FAM3C: variants seen among roughly 807,000 people sequenced by gnomAD.
FAM3C encodes protein FAM3C.
A neutral mutation model predicts 32.5 loss-of-function variants in FAM3C; 15 were observed. That is an observed-to-expected ratio of 0.46 (90% CI 0.31 to 0.71). The LOEUF (loss-of-function observed/expected upper bound fraction) is 0.71, where lower values mean the gene tolerates loss of function less well. Ranked by LOEUF, FAM3C falls within the 30% of genes least tolerant of loss-of-function variation. The pLI, the probability that FAM3C is intolerant of heterozygous loss-of-function variation, is 0.05. For synonymous variants in FAM3C, 75 were observed against 86.1 expected, an observed-to-expected ratio of 0.87 and a Z score of 0.72; for missense variants, 175 against 274.4, an observed-to-expected ratio of 0.64 and a Z score of 2.56.
Position 121,371,421 on chromosome 7 carries a change from T to C in FAM3C, c.151A>G (p.Thr51Ala), listed in dbSNP as rs1323971218. ...CCACACTTATATCTGGGAGGCTTTG[T>C]AGCTTTGGGGGAGAAAACATGATGT... is the stretch of plus-strand genomic sequence containing the variant. Reference protein sequence around the residue: ...RSALDTAARSTKPPRYKCGIS... With the variant: ...RSALDTAARSAKPPRYKCGIS... Residue 51 changes from threonine to alanine, a missense_variant and splice_region_variant, in exon 5 of 10, where the codon ACA (threonine) becomes GCA (alanine). Thr to Ala is a moderately conservative substitution (Grantham distance 58). Coordinates refer to ENST00000359943, the MANE Select transcript of FAM3C (RefSeq NM_014888.3). The C allele has an allele frequency of 1.2e-6, 2 of 1,613,604 alleles. No individual in the cohort carries two copies. Among genetic ancestry groups the C allele is most frequent in the South Asian group, 1.1e-5 (1 of 91,068 alleles).
Position 121,362,927 on chromosome 7 carries a change from CT to C in FAM3C, c.351del (p.Asp118ThrfsTer19). 1 of 1,530,596 alleles carries C rather than the reference CT, an allele frequency of 6.5e-7. No individual in the cohort carries two copies. The highest frequency in any genetic ancestry group is 9.0e-7 in the Non-Finnish European group (1 of 1,109,806). 94.8% of individuals were successfully genotyped at this position (1,530,596 alleles called of 1,614,324 possible). On this transcript the variant is annotated frameshift_variant, in exon 7 of 10. Coordinates refer to ENST00000359943, the MANE Select transcript of FAM3C (RefSeq NM_014888.3). LOFTEE classifies it high-confidence loss of function. Reference protein sequence around the residue: ...ALANGKTGEVLDTKYFDMWGG... With the variant: ...ALANGKTGEVXDTKYFDMWGG... Reference sequence around the variant, plus strand: ...CCCCACATGTCAAAATATTTAGTGTCTAATACTTCTCCTGTTTTTCCTAAAA... The same window carrying C: ...CCCCACATGTCAAAATATTTAGTGTCAATACTTCTCCTGTTTTTCCTAAAA...
chr7:121,357,552 A>C (rs186994849), intron 8 of FAM3C, among the ~76,000 whole-genome samples: 58 of 152,276 alleles, frequency 3.8e-4, no homozygotes, highest in African/African-American at 1.4e-3. Context: ...GATGTTGTCC[A>C]TTTCAGTATA....
intron 8 of FAM3C, among the ~76,000 whole-genome samples, chr7:121,353,691 T>C (rs1245504376): frequency 6.6e-6 from 1 of 152,214 alleles, no homozygotes; most frequent in Non-Finnish European, 1.5e-5. Flanking sequence ...CAGCCCCTAA[T>C]AAAATCTCTG....
intron 1 of FAM3C, among the ~76,000 whole-genome samples, chr7:121,384,934 CCTATTTGT>C (rs1794437586): frequency 6.6e-6 from 1 of 151,998 alleles, no homozygotes; most frequent in African/African-American, 2.4e-5. Flanking sequence ...CTAAATCATT[CCTATTTGT>C]CTTCTTAGAG....
At chr7:121,385,667 A>AG (rs1794451259) in intron 1 of FAM3C, among the ~76,000 whole-genome samples, 1 of 152,194 alleles carries the variant, frequency 6.6e-6, no homozygotes, top group African/African-American at 2.4e-5. Context: ...GTAAAATCAA[A>AG]GGTCAAGTGA....
chr7:121,395,182 TATGGATAC>T (rs1254063529), intron 1 of FAM3C, among the ~76,000 whole-genome samples: 1 of 151,860 alleles, frequency 6.6e-6, no homozygotes, highest in African/African-American at 2.4e-5. Context: ...CATACATATA[TATGGATAC>T]ATGGATACAT....
intron 6 of FAM3C, among the ~76,000 whole-genome samples, 172 bp from the exon 7 acceptor site, chr7:121,363,119 C>G (rs1008017347): frequency 2.6e-5 from 4 of 152,136 alleles, no homozygotes; most frequent in African/African-American, 9.7e-5. Context: ...AACTTAAAAT[C>G]TGAATCATAT....
At chr7:121,385,737 T>C (rs1416586079) in intron 1 of FAM3C, among the ~76,000 whole-genome samples, 3 of 152,200 alleles carry the variant, frequency 2.0e-5, no homozygotes, top group Admixed American at 6.5e-5. Flanking sequence ...AACATCACTC[T>C]ATATTGACAA....
At chr7:121,351,599 AT>A (rs1793706885) in intron 8 of FAM3C, 2 of 215,800 alleles carry the variant, frequency 9.3e-6, no homozygotes, top group South Asian at 2.6e-4. Flanking sequence ...TATCCAGGCT[AT>A]CCAAGGTCTT....
At chr7:121,383,126 A>C in intron 1 of FAM3C, 116 bp from the exon 2 acceptor site, 1 of 544,708 alleles carries the variant, frequency 1.8e-6, no homozygotes. Flanking sequence ...TCTAAGTATT[A>C]TGCCAACATT....
chr7:121,361,392 C>T (rs1011408337), intron 7 of FAM3C, among the ~76,000 whole-genome samples: 1 of 152,224 alleles, frequency 6.6e-6, no homozygotes, highest in African/African-American at 2.4e-5. Context: ...CAAACTACTT[C>T]CATTTAAATG....
chr7:121,378,774 T>G (rs1794291915), intron 3 of FAM3C, 136 bp downstream of exon 3: 1 of 452,694 alleles, frequency 2.2e-6, no homozygotes, highest in South Asian at 4.0e-5. Flanking sequence ...CTGTAAAATA[T>G]TCTAACAAAT....
intron 7 of FAM3C, among the ~76,000 whole-genome samples, chr7:121,362,327 G>A (rs975606469): frequency 6.6e-6 from 1 of 152,118 alleles, no homozygotes; most frequent in African/African-American, 2.4e-5. Context: ...TTACAAGAAA[G>A]AAAATTCTAT....
At chr7:121,361,867 C>T (rs532200208) in intron 7 of FAM3C, among the ~76,000 whole-genome samples, 9 of 152,156 alleles carry the variant, frequency 5.9e-5, no homozygotes, top group South Asian at 2.1e-4. Context: ...TTAGTAGAGA[C>T]GGGGTTTCGC....
chr7:121,382,373 C>T (rs1045551549), intron 2 of FAM3C, among the ~76,000 whole-genome samples: 1 of 152,058 alleles, frequency 6.6e-6, no homozygotes, highest in African/African-American at 2.4e-5. Context: ...AGCAAAAACA[C>T]ATATTTTATC....
At chr7:121,388,638 A>G (rs1210731477) in intron 1 of FAM3C, among the ~76,000 whole-genome samples, 1 of 152,168 alleles carries the variant, frequency 6.6e-6, no homozygotes, top group Non-Finnish European at 1.5e-5. Flanking sequence ...AATCTTGGGA[A>G]AAGAATACAG....
chr7:121,370,866 G>C (rs1346162817), intron 5 of FAM3C, among the ~76,000 whole-genome samples: 1 of 152,200 alleles, frequency 6.6e-6, no homozygotes, highest in Non-Finnish European at 1.5e-5. Context: ...TCTCTCTGCT[G>C]TTCCATTTGG....
In FAM3C at chr7:121,350,131, G is replaced by A. The variant is rs1334675617; in HGVS notation, c.*330C>T. On this transcript the variant is annotated 3_prime_UTR_variant, in exon 10 of 10. Coordinates refer to ENST00000359943, the MANE Select transcript of FAM3C (RefSeq NM_014888.3). ...TTCCATGATATTTTCATAGCAACTA[G>A]TATATATATCAATATATTTTTCACA... The A allele has an allele frequency of 2.4e-5, 6 of 254,338 alleles. No individual in the cohort carries two copies. The highest frequency in any genetic ancestry group is 4.5e-5 in the Non-Finnish European group (6 of 133,606). 15.8% of individuals were successfully genotyped at this position (254,338 alleles called of 1,614,324 possible). A position where few individuals can be genotyped will look rare whatever the true frequency, so the allele number is the denominator to read the frequency against.
intron 1 of FAM3C, among the ~76,000 whole-genome samples, chr7:121,388,286 C>T (rs7807894): frequency 0.51 from 77,127 of 151,212 alleles, 20,941 homozygotes; most frequent in African/African-American, 0.7. Flanking sequence ...TGTACAGCTT[C>T]AGAGGTGGGT....
Sources: allele counts gnomAD v4.1 joint callset (sites outside exome capture counted in the v4.1 genomes callset), GRCh38; gene constraint gnomAD v4.1.1; transcripts MANE v1.5; gene names NCBI Gene and HGNC (gene_info 2026-07-23, HGNC 2026-07-21).